The following AGMO variants were observed in gnomAD, a reference collection of about 807,000 sequenced individuals.
AGMO encodes the protein glyceryl-ether monooxygenase.
AGMO carries 75 observed loss-of-function variants against 60.2 expected under a neutral mutation model. The ratio of observed to expected loss-of-function variants is 1.25; its 90% CI spans 1.03 to 1.51. AGMO has a LOEUF of 1.51. Ranked by LOEUF, AGMO falls within the 40% of genes most tolerant of loss-of-function variation. The pLI, the probability that AGMO is intolerant of heterozygous loss-of-function variation, is 0.00. For missense variants in AGMO, 763 were observed against 525.5 expected, an observed-to-expected ratio of 1.45 and a Z score of -4.42; for synonymous variants, 261 against 177.1, an observed-to-expected ratio of 1.47 and a Z score of -3.76.
At chr7:15,133,986 A>G in the AGMO span, among the ~76,000 whole-genome samples, 1 of 152,096 alleles carries the variant, frequency 6.6e-6, no homozygotes, top group Non-Finnish European at 1.5e-5. Context: ...CCTTTCTGTT[A>G]TGGTCCCTAT....
chr7:15,345,560 A>AT (rs1408538052), intron 12 of AGMO, among the ~76,000 whole-genome samples: 2 of 152,192 alleles, frequency 1.3e-5, no homozygotes, highest in Admixed American at 1.3e-4. Context: ...TTACTATTTT[A>AT]TTTGATCCTC....
At chr7:15,531,276 T>C (rs1422666674) in intron 3 of AGMO, among the ~76,000 whole-genome samples, 1 of 99,880 alleles carries the variant, frequency 1.0e-5, no homozygotes, top group African/African-American at 4.1e-5. Flanking sequence ...ATATTCTCTA[T>C]ATACATATTC....
At chr7:15,186,857 T>C in the AGMO span, among the ~76,000 whole-genome samples, 1 of 152,122 alleles carries the variant, frequency 6.6e-6, no homozygotes, top group African/African-American at 2.4e-5. Flanking sequence ...TCCCACACAG[T>C]GGAAACATTC....
At chr7:15,263,969 G>T (rs1207565344) in intron 12 of AGMO, among the ~76,000 whole-genome samples, 1 of 151,990 alleles carries the variant, frequency 6.6e-6, no homozygotes, top group Non-Finnish European at 1.5e-5. Context: ...AGAGTACACT[G>T]CTTGGTTGAT....
chr7:15,370,058 C>A (rs1783141526), intron 10 of AGMO, among the ~76,000 whole-genome samples: 1 of 152,052 alleles, frequency 6.6e-6, no homozygotes, highest in Non-Finnish European at 1.5e-5. Context: ...CTTTTGCCCC[C>A]CTCCTTTATT....
the AGMO span, among the ~76,000 whole-genome samples, chr7:15,127,783 T>C: frequency 6.6e-6 from 1 of 152,162 alleles, no homozygotes; most frequent in African/African-American, 2.4e-5. Flanking sequence ...ATAAAGGCTT[T>C]TAAATATTTT....
At chr7:15,173,836 A>G in the AGMO span, among the ~76,000 whole-genome samples, 1 of 143,110 alleles carries the variant, frequency 7.0e-6, no homozygotes, top group Non-Finnish European at 1.5e-5. Context: ...TTTTTTTTCT[A>G]TTGTTTCTCT....
chr7:15,553,790 G>A (rs920092000), intron 2 of AGMO, among the ~76,000 whole-genome samples: 1 of 151,996 alleles, frequency 6.6e-6, no homozygotes, highest in African/African-American at 2.4e-5. Context: ...ACAGGTGCCA[G>A]GTCTTGAGCA....
At chr7:15,200,077 A>G (rs922117621), downstream of AGMO, among the ~76,000 whole-genome samples, 1 of 152,172 alleles carries the variant, frequency 6.6e-6, no homozygotes, top group Non-Finnish European at 1.5e-5. Context: ...CTCAATGAAG[A>G]ACAGCATTAG....
intron 3 of AGMO, among the ~76,000 whole-genome samples, chr7:15,511,585 C>G (rs1407486550): frequency 6.6e-6 from 1 of 151,964 alleles, no homozygotes; most frequent in Non-Finnish European, 1.5e-5. Flanking sequence ...TGACTATAGA[C>G]AAAGTACTGT....
At position 15,418,542 on chromosome 7, in the gene AGMO, TA is replaced by T. The variant is rs773958598; in HGVS notation, c.609+15del. The T allele has an allele frequency of 4.7e-5, 71 of 1,503,160 alleles. No individual in the cohort carries two copies. In the East Asian group the frequency reaches 6.6e-4, roughly 14 times the overall value. 93.1% of individuals were successfully genotyped at this position (1,503,160 alleles called of 1,614,324 possible). On this transcript the variant is annotated intron_variant, in intron 5 of 12. Transcript: ENST00000342526. ...TGTTTAGGTATAAAACTTACAAAGA[TA>T]AAAAAAAGTTTTACCTCTGTATGGA...
intron 12 of AGMO, among the ~76,000 whole-genome samples, chr7:15,354,653 A>G (rs945428922): frequency 7.5e-5 from 11 of 147,280 alleles, no homozygotes; most frequent in Non-Finnish European, 1.5e-4. Flanking sequence ...AAGGGTGGTA[A>G]GTGAAAGAAA....
At chr7:15,367,519 CAG>C (rs1424172297) in intron 10 of AGMO, among the ~76,000 whole-genome samples, 1 of 151,938 alleles carries the variant, frequency 6.6e-6, no homozygotes, top group African/African-American at 2.4e-5. Context: ...CATCATTACA[CAG>C]AAAGTAAATA....
At chr7:15,250,496 A>G (rs1045902493) in intron 12 of AGMO, among the ~76,000 whole-genome samples, 2 of 152,082 alleles carry the variant, frequency 1.3e-5, no homozygotes, top group African/African-American at 4.8e-5. Context: ...TGTTACAGTA[A>G]GGAGAAGTCT....
At chr7:15,212,563 A>G (rs182844890) in intron 12 of AGMO, among the ~76,000 whole-genome samples, 5 of 152,086 alleles carry the variant, frequency 3.3e-5, no homozygotes, top group African/African-American at 9.6e-5. Flanking sequence ...TTTTACTAAA[A>G]TGAGATCAAT....
At chr7:15,270,798 T>C (rs1433593835) in intron 12 of AGMO, among the ~76,000 whole-genome samples, 1 of 144,102 alleles carries the variant, frequency 6.9e-6, no homozygotes, top group African/African-American at 3.0e-5. Context: ...TCAAATCTTA[T>C]ATTTAAGTCT....
chr7:15,373,370 A>C (rs1783306991), intron 10 of AGMO, among the ~76,000 whole-genome samples: 1 of 152,188 alleles, frequency 6.6e-6, no homozygotes, highest in Admixed American at 6.6e-5. Context: ...ACGCCTGCAG[A>C]ACCCTATCTA....
the AGMO span, among the ~76,000 whole-genome samples, chr7:15,125,057 TC>T: frequency 0.053 from 8,111 of 151,822 alleles, 297 homozygotes; most frequent in Non-Finnish European, 0.084. Flanking sequence ...TGGGATGCCT[TC>T]AGAAAAGAAA....
chr7:15,541,683 G>C (rs958978222), intron 3 of AGMO, among the ~76,000 whole-genome samples: 1 of 152,030 alleles, frequency 6.6e-6, no homozygotes, highest in African/African-American at 2.4e-5. Flanking sequence ...AGAATAAACT[G>C]TTTTCTGCTA....
Sources: gnomAD v4.1 joint callset for allele counts (sites outside exome capture counted in the v4.1 genomes callset) on GRCh38, gnomAD v4.1.1 for gene constraint, MANE v1.5 for transcripts, NCBI Gene and HGNC (gene_info 2026-07-23, HGNC 2026-07-21) for gene names.